Variants in ACER1 observed in about 807,000 individuals in gnomAD.
The protein encoded by ACER1 is alkaline ceramidase 1.
In ACER1, 28 loss-of-function variants were observed where a neutral mutation model predicts 24.9. The ratio of observed to expected loss-of-function variants is 1.13; its 90% CI spans 0.83 to 1.54. The LOEUF (loss-of-function observed/expected upper bound fraction) is 1.54, where lower values mean the gene tolerates loss of function less well. ACER1 is among the 40% of genes most tolerant of loss of function. The probability of loss-of-function intolerance (pLI) is 0.00; values close to 1 mark genes in which losing one functional copy is unlikely to be tolerated. For missense variants in ACER1, 352 were observed against 349.3 expected (o/e 1.01, Z -0.06); for synonymous variants, 132 against 131.4 (o/e 1.00, Z -0.03).
intron 1 of ACER1, among the ~76,000 whole-genome samples, chr19:6,331,712 T>C (rs921366668): frequency 5.3e-5 from 8 of 151,572 alleles, no homozygotes; most frequent in African/African-American, 4.8e-5. Context: ...CAGAATGGCT[T>C]GAACGCGGGA....
chr19:6,348,205 C>A, the ACER1 span, among the ~76,000 whole-genome samples: 2 of 151,822 alleles, frequency 1.3e-5, no homozygotes, highest in African/African-American at 4.8e-5. Flanking sequence ...TGGCTCACAT[C>A]TGTAATCCCA....
rs1224903363 is a variant in ACER1, at chr19:6,308,231, T to C, written c.489-941A>G. On this transcript the variant is annotated intron_variant, in intron 4 of 5. Coordinates refer to ENST00000301452, the MANE Select transcript of ACER1 (RefSeq NM_133492.3). Reference sequence around the variant, plus strand: ...GGGCAGATCATCTGAGGTTAGGAGTTCGAGACCAGCCTGGCCAACATGGCG... The same window carrying C: ...GGGCAGATCATCTGAGGTTAGGAGTCCGAGACCAGCCTGGCCAACATGGCG... 2.0e-5 allele frequency among the ~76,000 whole-genome samples: 3 copies of C among 152,020 alleles called. 1 individual carries two copies. In the South Asian group the frequency reaches 6.2e-4, roughly 31 times the overall value.
At chr19:6,347,109 A>ATATATAT in the ACER1 span, among the ~76,000 whole-genome samples, 6 of 113,778 alleles carry the variant, frequency 5.3e-5, no homozygotes, top group Middle Eastern at 4.0e-3. Flanking sequence ...AAAAAAAAAA[A>ATATATAT]ATATATATAT....
At chr19:6,336,636 T>C (rs556438297), upstream of ACER1, among the ~76,000 whole-genome samples, 346 of 151,730 alleles carry the variant, frequency 2.3e-3, 2 homozygotes, top group African/African-American at 7.7e-3. Flanking sequence ...CTGGTTAACA[T>C]GGTGAAACCC....
At chr19:6,310,278 G>A (rs951253526) in intron 3 of ACER1, among the ~76,000 whole-genome samples, 6 of 151,400 alleles carry the variant, frequency 4.0e-5, no homozygotes, top group Non-Finnish European at 7.4e-5. Flanking sequence ...TACTAGAGAC[G>A]GGGTTTCACC....
chr19:6,346,906 A>G, the ACER1 span, among the ~76,000 whole-genome samples: 24 of 151,668 alleles, frequency 1.6e-4, no homozygotes, highest in South Asian at 5.0e-3. Flanking sequence ...GAGACCGAGG[A>G]GGGAAAAAAG....
chr19:6,312,639 C>A, intron 1 of ACER1, 140 bp from the exon 2 acceptor site: 1 of 588,614 alleles, frequency 1.7e-6, no homozygotes, highest in Non-Finnish European at 3.1e-6. Context: ...ATTTGTCAAT[C>A]ACTCACCTGT....
At chr19:6,309,632 T>C in intron 4 of ACER1, 65 bp downstream of exon 4, 1 of 1,601,194 alleles carries the variant, frequency 6.2e-7, no homozygotes, top group South Asian at 1.1e-5. Flanking sequence ...TCCGCGAGCC[T>C]GGAGTCAGGG....
rs2091552763 is a variant in ACER1 at position 6,306,488 on chromosome 19, G to A, written c.*226C>T. 1 of 501,756 alleles carries A rather than the reference G, an allele frequency of 2.0e-6. No individual in the cohort carries two copies. Among genetic ancestry groups the A allele is most frequent in the Middle Eastern group, 5.2e-4 (1 of 1,928 alleles). The allele number at this position is 501,756 out of a possible 1,614,324, so 31.1% of individuals were successfully genotyped here. ...AAAGAGGATGGGGGGGGTCATGGAG[G>A]GGAGATGCACGAGACAGCCCCCCAC... On this transcript the variant is annotated 3_prime_UTR_variant, in exon 6 of 6. Coordinates refer to ENST00000301452, the MANE Select transcript of ACER1 (RefSeq NM_133492.3).
the ACER1 span, among the ~76,000 whole-genome samples, chr19:6,340,356 G>T: frequency 6.8e-5 from 4 of 58,872 alleles, no homozygotes; most frequent in African/African-American, 2.5e-4. Context: ...AGGAAGGAAG[G>T]AAGGAAGGAA....
At chr19:6,349,426 A>AAGGAAAGAAGGAAGGG in the ACER1 span, among the ~76,000 whole-genome samples, 4 of 136,474 alleles carry the variant, frequency 2.9e-5, no homozygotes, top group African/African-American at 3.0e-5. Flanking sequence ...AGAAGGAAGG[A>AAGGAAAGAAGGAAGGG]AGGAAAGAAG....
At chr19:6,351,912 C>T in the ACER1 span, among the ~76,000 whole-genome samples, 1 of 151,662 alleles carries the variant, frequency 6.6e-6, no homozygotes, top group African/African-American at 2.4e-5. Flanking sequence ...AAAAATTAGC[C>T]GGGCTTGGTG....
At chr19:6,344,824 ACAAT>A in the ACER1 span, among the ~76,000 whole-genome samples, 352 of 141,890 alleles carry the variant, frequency 2.5e-3, 1 homozygote, top group African/African-American at 9.5e-3. Flanking sequence ...ATATTTCACA[ACAAT>A]CAATTTATTT....
the ACER1 span, among the ~76,000 whole-genome samples, chr19:6,356,160 C>T: frequency 2.7e-5 from 4 of 150,798 alleles, no homozygotes; most frequent in East Asian, 5.8e-4. Context: ...TCCTGTTGAT[C>T]GGTGACCTTA....
the ACER1 span, among the ~76,000 whole-genome samples, chr19:6,358,987 T>A: frequency 6.7e-6 from 1 of 148,456 alleles, no homozygotes; most frequent in African/African-American, 2.5e-5. Flanking sequence ...GTCTCAGCAG[T>A]TTGGAAGGCT....
At chr19:6,347,098 C>CAAAAAAAAAAAAAAAAAA in the ACER1 span, among the ~76,000 whole-genome samples, 2 of 81,968 alleles carry the variant, frequency 2.4e-5, no homozygotes, top group African/African-American at 1.3e-4. Flanking sequence ...CCTGTCTCTA[C>CAAAAAAAAAAAAAAAAAA]AAAAAAAAAA....
At chr19:6,347,131 T>TAAAA in the ACER1 span, among the ~76,000 whole-genome samples, 2 of 134,538 alleles carry the variant, frequency 1.5e-5, no homozygotes, top group African/African-American at 6.0e-5. Flanking sequence ...TATATATATA[T>TAAAA]AAAATAATAA....
the ACER1 span, among the ~76,000 whole-genome samples, chr19:6,351,785 G>A: frequency 6.6e-6 from 1 of 151,840 alleles, no homozygotes; most frequent in African/African-American, 2.4e-5. Flanking sequence ...GGCCGGGTGT[G>A]GTGGCTCATG....
At chr19:6,335,114 T>A (rs1371997257), upstream of ACER1, among the ~76,000 whole-genome samples, 2 of 147,150 alleles carry the variant, frequency 1.4e-5, no homozygotes, top group African/African-American at 4.9e-5. Flanking sequence ...AATATTTTAG[T>A]ATATTATTTT....
Sources: allele counts gnomAD v4.1 joint callset (sites outside exome capture counted in the v4.1 genomes callset), GRCh38; gene constraint gnomAD v4.1.1; transcripts MANE v1.5; gene names NCBI Gene and HGNC (gene_info 2026-07-23, HGNC 2026-07-21).